CNNM2: variants seen among roughly 807,000 people sequenced by gnomAD.
CNNM2 encodes metal transporter CNNM2.
Under a neutral mutation model 66.9 loss-of-function variants are expected in CNNM2, and 12 were observed. That is an observed-to-expected ratio of 0.18 (90% CI 0.11 to 0.29). The LOEUF (loss-of-function observed/expected upper bound fraction) is 0.29. Among genes scored for constraint, CNNM2 ranks in the 10% least tolerant of loss-of-function variants. The pLI is 1.00. For synonymous variants in CNNM2, 557 were observed against 501.8 expected (o/e 1.11, Z -1.47); for missense variants, 705 against 1,167.7 (o/e 0.60, Z 5.77).
intron 1 of CNNM2, among the ~76,000 whole-genome samples, chr10:103,012,024 T>C (rs1353157579): frequency 1.3e-5 from 2 of 152,044 alleles, no homozygotes; most frequent in African/African-American, 4.8e-5. Context: ...CAGAGAAGTA[T>C]ATAGTGAAAA....
intron 6 of CNNM2, among the ~76,000 whole-genome samples, chr10:103,074,546 A>C (rs1023825034): frequency 1.3e-5 from 2 of 151,958 alleles, no homozygotes; most frequent in African/African-American, 4.8e-5. Flanking sequence ...ATTTTAGGAG[A>C]AAGTGGCCAG....
Position 103,064,567 on chromosome 10 carries a change from T to A in CNNM2, c.2074-4062T>A, listed in dbSNP as rs11191542. 0.4 allele frequency among the ~76,000 whole-genome samples: 60,944 copies of A among 151,848 alleles called. 12,372 individuals are homozygous for A. The highest frequency in any genetic ancestry group is 0.49 in the East Asian group (2,518 of 5,146). On this transcript the variant is annotated intron_variant, in intron 4 of 7. Transcript: ENST00000369878. ...TAAAATAAATACCTTTATTTTGCCC[T>A]GGCACGGTGGCTCATGCCTGTAATC...
rs778356655 is a variant in CNNM2, at chr10:102,919,387, A to C, written c.907A>C (p.Lys303Gln). 6.2e-7 allele frequency: 1 copy of C among 1,611,966 alleles called. No homozygotes were observed. The highest frequency in any genetic ancestry group is 8.5e-7 in the Non-Finnish European group (1 of 1,180,038). The change falls in exon 1 of 8, where the codon AAG becomes CAG. Residue 303 changes from lysine (K) to glutamine (Q), a missense_variant. Physicochemically the swap from Lys to Gln is moderately conservative, Grantham distance 53. Around this residue, in one of 9 missense-constraint regions of CNNM2, gnomAD observed 49 missense variants for 183.7 expected, o/e 0.27. Transcript: ENST00000369878. Reference sequence around the variant, plus strand: ...CACGGAGAAGGAGAAGAATTACGCCAAGCGCATCGAGCCGGTGCGCAGGCA... The same window carrying C: ...CACGGAGAAGGAGAAGAATTACGCCCAGCGCATCGAGCCGGTGCGCAGGCA... ...CGTEKEKNYA[K>Q]RIEPVRRQGN...
At chr10:102,992,273 CTTTTTT>C (rs35281835) in intron 1 of CNNM2, among the ~76,000 whole-genome samples, 1 of 108,496 alleles carries the variant, frequency 9.2e-6, no homozygotes, top group Non-Finnish European at 1.8e-5. Flanking sequence ...CTCCAAGTTC[CTTTTTT>C]TTTTTTTTTT....
In CNNM2 at chr10:102,919,299, C is replaced by T; in HGVS notation, c.819C>T (p.Ser273=). The change falls in exon 1 of 8, where the codon AGC becomes AGT. Residue 273 remains serine (S), a synonymous_variant. Coordinates refer to ENST00000369878, the MANE Select transcript of CNNM2 (RefSeq NM_017649.5). ...SLLLCLSGMF[S]GLNLGLMALD... is the part of the protein sequence containing the mutation. ...TGCTGTGCCTGTCGGGCATGTTCAGCGGCCTCAACCTGGGGCTCATGGCCC... is the reference window on the plus strand; with the variant it reads ...TGCTGTGCCTGTCGGGCATGTTCAGTGGCCTCAACCTGGGGCTCATGGCCC... 6.2e-7 allele frequency: 1 copy of T among 1,613,804 alleles called. No individual in the cohort carries two copies.
chr10:103,058,425 T>C (rs2065329721), intron 4 of CNNM2, among the ~76,000 whole-genome samples: 1 of 152,152 alleles, frequency 6.6e-6, no homozygotes, highest in African/African-American at 2.4e-5. Context: ...CATTGTGAAT[T>C]TTAGTGTTAA....
At chr10:102,988,433 A>G (rs2134239119) in intron 1 of CNNM2, among the ~76,000 whole-genome samples, 1 of 152,302 alleles carries the variant, frequency 6.6e-6, no homozygotes, top group Middle Eastern at 3.4e-3. Context: ...TGAAAGTGAC[A>G]CAGATACTAC....
intron 2 of CNNM2, among the ~76,000 whole-genome samples, chr10:103,050,129 T>C (rs947608984): frequency 1.3e-5 from 2 of 152,260 alleles, no homozygotes; most frequent in Non-Finnish European, 2.9e-5. Context: ...TTTTAAATTT[T>C]ATTTTACATA....
intron 1 of CNNM2, among the ~76,000 whole-genome samples, chr10:103,010,703 C>T (rs1001848662): frequency 6.6e-6 from 1 of 152,102 alleles, no homozygotes; most frequent in African/African-American, 2.4e-5. Context: ...ACCTTTGCCT[C>T]CTGGGTTCAA....
chr10:103,089,097 T>C lies in CNNM2; in HGVS notation c.*11917T>C, dbSNP rs2066074856. ...GCCCTAAAGCAACGCAAGTAGAGCA[T>C]ACTTCTGTGCAAAGCCAGTGATAGA... On this transcript the variant is annotated 3_prime_UTR_variant, in exon 8 of 8. Coordinates refer to ENST00000369878, the MANE Select transcript of CNNM2 (RefSeq NM_017649.5). 1.3e-5 allele frequency: 3 copies of C among 226,546 alleles called. No individual in the cohort carries two copies. The highest frequency in any genetic ancestry group is 2.6e-5 in the Non-Finnish European group (3 of 113,850). The allele number at this position is 226,546 out of a possible 1,614,324, so 14.0% of individuals were successfully genotyped here. A position where few individuals can be genotyped will look rare whatever the true frequency, so the allele number is the denominator to read the frequency against.
intron 1 of CNNM2, among the ~76,000 whole-genome samples, chr10:103,032,665 T>C: frequency 8.6e-6 from 1 of 116,738 alleles, no homozygotes; most frequent in Non-Finnish European, 1.9e-5. Flanking sequence ...GTAGCTCTTT[T>C]TTTTTTTTTT....
At chr10:102,956,084 G>A (rs1299165010) in intron 1 of CNNM2, among the ~76,000 whole-genome samples, 8 of 152,024 alleles carry the variant, frequency 5.3e-5, no homozygotes, top group East Asian at 1.9e-4. Flanking sequence ...TCAGGAGATC[G>A]AGACCATCCT....
In CNNM2 at chr10:102,992,273, C is replaced by CTTTTTTTTTTTTTTTT. The variant is rs35281835; in HGVS notation, c.1622-57431_1622-57416dup. On this transcript the variant is annotated intron_variant, in intron 1 of 7. Transcript: ENST00000369878. Reference sequence around the variant, plus strand: ...TTTACTGGGAGCAAGCTCCAAGTTCCTTTTTTTTTTTTTTTTTTGAGATGC... The same window carrying CTTTTTTTTTTTTTTTT: ...TTTACTGGGAGCAAGCTCCAAGTTCCTTTTTTTTTTTTTTTTTTTTTTTTTTTTTTTTTTGAGATGC... Among the ~76,000 whole-genome samples, 456 of 108,410 alleles carry CTTTTTTTTTTTTTTTT rather than the reference C, an allele frequency of 4.2e-3. 39 individuals are homozygous for CTTTTTTTTTTTTTTTT. The highest frequency in any genetic ancestry group is 0.016 in the South Asian group (45 of 2,874). 71.1% of individuals were successfully genotyped at this position (108,410 alleles called of 152,430 possible).
At chr10:103,047,019 TC>T (rs1237100585) in intron 1 of CNNM2, among the ~76,000 whole-genome samples, 4 of 152,140 alleles carry the variant, frequency 2.6e-5, no homozygotes, top group Admixed American at 6.6e-5. Flanking sequence ...ATGCAGGTAC[TC>T]CCCCTTCTAA....
At chr10:103,071,974 G>C (rs1002918767) in intron 6 of CNNM2, 135 bp downstream of exon 6, 2 of 812,500 alleles carry the variant, frequency 2.5e-6, no homozygotes, top group Admixed American at 2.1e-5. Flanking sequence ...AAGCTCTAAG[G>C]TTCCGTAACT....
intron 1 of CNNM2, among the ~76,000 whole-genome samples, chr10:103,025,760 A>G (rs1245437817): frequency 6.6e-6 from 1 of 152,246 alleles, no homozygotes; most frequent in Non-Finnish European, 1.5e-5. Flanking sequence ...CAAGTGCAGA[A>G]TCTTCCTAGA....
At chr10:102,925,015 G>A (rs913018979) in intron 1 of CNNM2, among the ~76,000 whole-genome samples, 13 of 152,046 alleles carry the variant, frequency 8.6e-5, no homozygotes, top group African/African-American at 3.1e-4. Context: ...ATTTACTTGG[G>A]GCTGGGTGCG....
chr10:102,920,077 G>A lies in CNNM2; in HGVS notation c.1597G>A (p.Ala533Thr), dbSNP rs146507239. 11 of 1,614,082 alleles carry A rather than the reference G, an allele frequency of 6.8e-6. No individual in the cohort carries two copies. The highest frequency in any genetic ancestry group is 1.3e-5 in the African/African-American group (1 of 74,918). The change falls in exon 1 of 8, where the codon GCT becomes ACT. Residue 533 changes from alanine (A) to threonine (T), a missense_variant. By Grantham distance (58) the Ala-to-Thr change is moderately conservative. Coordinates refer to ENST00000369878, the MANE Select transcript of CNNM2 (RefSeq NM_017649.5). ...HFVFNDTKLD[A>T]MLEEFKKGKS... ...TGTTTTCAATGACACCAAGTTGGAC[G>A]CTATGCTGGAAGAATTTAAGAAAGG...
chr10:103,014,987 A>G (rs998901142), intron 1 of CNNM2, among the ~76,000 whole-genome samples: 2 of 152,236 alleles, frequency 1.3e-5, no homozygotes, highest in Non-Finnish European at 2.9e-5. Context: ...AGGCACTTCA[A>G]ACTTCTTCCA....
Sources: gnomAD v4.1 joint callset for allele counts (sites outside exome capture counted in the v4.1 genomes callset) on GRCh38, gnomAD v4.1.1 for gene constraint, gnomAD v4.1.1 regional missense constraint, MANE v1.5 for transcripts, NCBI Gene and HGNC (gene_info 2026-07-23, HGNC 2026-07-21) for gene names.